SLC24A3: variants seen among roughly 807,000 people sequenced by gnomAD.
The protein encoded by SLC24A3 is sodium/potassium/calcium exchanger 3.
SLC24A3 carries 28 observed loss-of-function variants against 75.8 expected under a neutral mutation model. That is an observed-to-expected ratio of 0.37 (90% CI 0.27 to 0.51). SLC24A3 has a LOEUF of 0.51. Ranked by LOEUF, SLC24A3 falls within the 20% of genes least tolerant of loss-of-function variation. The pLI, the probability that SLC24A3 is intolerant of heterozygous loss-of-function variation, is 0.94. For missense variants in SLC24A3, 663 were observed against 847.8 expected, an observed-to-expected ratio of 0.78 and a Z score of 2.71; for synonymous variants, 372 against 334.1, an observed-to-expected ratio of 1.11 and a Z score of -1.24.
intron 1 of SLC24A3, among the ~76,000 whole-genome samples, chr20:19,232,123 A>G (rs1982038909): frequency 1.4e-5 from 2 of 145,978 alleles, no homozygotes; most frequent in South Asian, 4.4e-4. Flanking sequence ...ATAAGTAATA[A>G]TAGAAATAGA....
At chr20:19,427,591 G>C (rs1987032694) in intron 2 of SLC24A3, among the ~76,000 whole-genome samples, 1 of 152,234 alleles carries the variant, frequency 6.6e-6, no homozygotes, top group Admixed American at 6.5e-5. Context: ...GTGTGAAGAC[G>C]CTCCCTGTGA....
At chr20:19,549,656 C>T (rs1043875275) in intron 3 of SLC24A3, among the ~76,000 whole-genome samples, 1 of 152,138 alleles carries the variant, frequency 6.6e-6, no homozygotes, top group Non-Finnish European at 1.5e-5. Context: ...TGTTGGCGGG[C>T]GTCTGTAATC....
intron 6 of SLC24A3, among the ~76,000 whole-genome samples, chr20:19,637,674 C>G (rs564228557): frequency 6.6e-6 from 1 of 152,002 alleles, no homozygotes; most frequent in African/African-American, 2.4e-5. Flanking sequence ...AAGAGGATGA[C>G]GGATTAGAAT....
intron 2 of SLC24A3, among the ~76,000 whole-genome samples, chr20:19,380,409 G>C (rs1262317019): frequency 6.6e-6 from 1 of 152,188 alleles, no homozygotes; most frequent in East Asian, 1.9e-4. Context: ...CTGATTTCAA[G>C]AACAGCAGGA....
At position 19,222,561 on chromosome 20, in the gene SLC24A3, T is replaced by G. The variant is rs558115213; in HGVS notation, c.142+9577T>G. Among the ~76,000 whole-genome samples, 12 of 152,322 alleles carry G rather than the reference T, an allele frequency of 7.9e-5. No homozygotes were observed. In the South Asian group the frequency reaches 2.5e-3, roughly 32 times the overall value. On this transcript the variant is annotated intron_variant, in intron 1 of 16. Transcript: ENST00000328041. The stretch of plus-strand genomic sequence containing the variant: ...TTGAGGGAAAAGACCTAGTTACTTC[T>G]GAGAATCCGATAGGAGAGGAATCTG...
chr20:19,430,969 A>G (rs1453057926), intron 2 of SLC24A3, among the ~76,000 whole-genome samples: 1 of 133,524 alleles, frequency 7.5e-6, no homozygotes, highest in Non-Finnish European at 1.5e-5. Context: ...GCACAAGGTC[A>G]TGTCCTCCAT....
chr20:19,346,691 G>A (rs963589487), intron 2 of SLC24A3, among the ~76,000 whole-genome samples: 2 of 152,040 alleles, frequency 1.3e-5, no homozygotes, highest in African/African-American at 4.8e-5. Flanking sequence ...GAACTCAGGG[G>A]AAAGGGTGGG....
chr20:19,414,019 A>G (rs1046736913), intron 2 of SLC24A3, among the ~76,000 whole-genome samples: 3 of 152,224 alleles, frequency 2.0e-5, no homozygotes, highest in Non-Finnish European at 2.9e-5. Flanking sequence ...GGACAAACAA[A>G]TCTCTGAAGA....
At chr20:19,673,947 ACTCT>A (rs1226042005) in intron 9 of SLC24A3, among the ~76,000 whole-genome samples, 5 of 152,044 alleles carry the variant, frequency 3.3e-5, no homozygotes, top group Admixed American at 2.0e-4. Context: ...AGGTTTCTTC[ACTCT>A]CTTTCTTAAC....
At chr20:19,217,647 G>C (rs1212843358) in intron 1 of SLC24A3, among the ~76,000 whole-genome samples, 1 of 152,170 alleles carries the variant, frequency 6.6e-6, no homozygotes, top group African/African-American at 2.4e-5. Context: ...TATGGCAAAT[G>C]ACCACAGCTG....
intron 2 of SLC24A3, among the ~76,000 whole-genome samples, chr20:19,459,648 T>A (rs2122492903): frequency 6.6e-6 from 1 of 152,166 alleles, no homozygotes; most frequent in East Asian, 1.9e-4. Flanking sequence ...GTGTGAGCTT[T>A]GCTAAATATT....
At chr20:19,643,153 C>A (rs530235899) in intron 6 of SLC24A3, among the ~76,000 whole-genome samples, 1 of 152,262 alleles carries the variant, frequency 6.6e-6, no homozygotes, top group East Asian at 1.9e-4. Context: ...AGACGGTGGC[C>A]GGCATCTGCA....
At chr20:19,468,607 C>G (rs1987809451) in intron 2 of SLC24A3, among the ~76,000 whole-genome samples, 2 of 152,176 alleles carry the variant, frequency 1.3e-5, no homozygotes, top group South Asian at 2.1e-4. Flanking sequence ...GCAGTCACCT[C>G]TAAGAGCAGG....
chr20:19,232,893 C>G (rs188445731), intron 1 of SLC24A3, among the ~76,000 whole-genome samples: 76 of 152,268 alleles, frequency 5.0e-4, no homozygotes, highest in Middle Eastern at 3.4e-3. Context: ...CAAGTGTAGG[C>G]AAAAGCGTAG....
chr20:19,554,416 CAG>C (rs1198814516), intron 3 of SLC24A3, among the ~76,000 whole-genome samples: 2 of 151,962 alleles, frequency 1.3e-5, no homozygotes, highest in Non-Finnish European at 2.9e-5. Flanking sequence ...GTGCTTCTAA[CAG>C]AGTTTGTGGA....
At chr20:19,659,261 C>G (rs1235401069) in intron 7 of SLC24A3, among the ~76,000 whole-genome samples, 3 of 152,206 alleles carry the variant, frequency 2.0e-5, no homozygotes, top group Admixed American at 1.3e-4. Context: ...CAGCGAGGTT[C>G]CTTTACACCA....
chr20:19,543,216 T>A (rs1338705340), intron 3 of SLC24A3, among the ~76,000 whole-genome samples: 1 of 152,178 alleles, frequency 6.6e-6, no homozygotes, highest in Non-Finnish European at 1.5e-5. Context: ...GGTTATACAT[T>A]CAGTGAGTGA....
chr20:19,371,688 C>A (rs941212187), intron 2 of SLC24A3, among the ~76,000 whole-genome samples: 1 of 152,064 alleles, frequency 6.6e-6, no homozygotes, highest in Non-Finnish European at 1.5e-5. Context: ...ATTTCCCTAC[C>A]TTTTTTGGGG....
At chr20:19,663,486 T>TCCTCCTCCA (rs2032362589) in intron 7 of SLC24A3, among the ~76,000 whole-genome samples, 1 of 67,586 alleles carries the variant, frequency 1.5e-5, no homozygotes, top group Non-Finnish European at 2.7e-5. Flanking sequence ...CGCCTTCTCA[T>TCCTCCTCCA]CCTCCTCCTC....
Sources: gnomAD v4.1 joint callset for allele counts (sites outside exome capture counted in the v4.1 genomes callset) on GRCh38, gnomAD v4.1.1 for gene constraint, MANE v1.5 for transcripts, NCBI Gene and HGNC (gene_info 2026-07-23, HGNC 2026-07-21) for gene names.